The following EFNA3 variants were observed in gnomAD, a reference collection of about 807,000 sequenced individuals.
The protein encoded by EFNA3 is ephrin-A3.
A neutral mutation model predicts 25.0 loss-of-function variants in EFNA3; 15 were observed. The ratio of observed to expected loss-of-function variants is 0.60; its 90% CI spans 0.40 to 0.92. The LOEUF is 0.92. Ranked by LOEUF, EFNA3 falls within the 40% of genes least tolerant of loss-of-function variation. The pLI, the probability that EFNA3 is intolerant of heterozygous loss-of-function variation, is 0.00. For missense variants in EFNA3, 298 were observed against 323.8 expected, an observed-to-expected ratio of 0.92 and a Z score of 0.61; for synonymous variants, 153 against 145.6, an observed-to-expected ratio of 1.05 and a Z score of -0.37.
intron 1 of EFNA3, 127 bp from the exon 2 acceptor site, chr1:155,084,964 C>T: frequency 2.7e-6 from 3 of 1,094,246 alleles, no homozygotes; most frequent in Middle Eastern, 2.6e-4. Context: ...AGGGCTGAGC[C>T]GCGAGGAAGC....
Position 155,086,011 on chromosome 1 carries a change from T to TG in EFNA3, c.508+74dup, listed in dbSNP as rs1477942665. The TG allele has an allele frequency of 3.2e-6, 5 of 1,572,624 alleles. No individual in the cohort carries two copies. The African/African-American group carries it at 5.4e-5, about 17-fold the overall frequency. On this transcript the variant is annotated intron_variant, in intron 3 of 4. Transcript: ENST00000368408. ...CTGCTTTGGGGCTCCCCTGGCTTCC[T>TG]GGGGGTGGGGGCGGAGGGCACAGGT... is the stretch of plus-strand genomic sequence containing the variant.
At chr1:155,082,702 G>A (rs1381027032) in intron 1 of EFNA3, among the ~76,000 whole-genome samples, 1 of 152,210 alleles carries the variant, frequency 6.6e-6, no homozygotes, top group African/African-American at 2.4e-5. Context: ...AAGGGGCAGG[G>A]CACAACCCGG....
chr1:155,082,950 C>A (rs1663373899), intron 1 of EFNA3, among the ~76,000 whole-genome samples: 1 of 152,206 alleles, frequency 6.6e-6, no homozygotes, highest in Non-Finnish European at 1.5e-5. Flanking sequence ...CCTCTGTGTA[C>A]CAACTGGGCC....
rs759477549 is a variant in EFNA3, at chr1:155,080,442, C to A, written c.128+1373C>A. ...CCTCGGGGGTGGGGACGTGGCCCCTCCCCCCCGGAGCGGGACTCCAAGAAC... is the reference window on the plus strand; with the variant it reads ...CCTCGGGGGTGGGGACGTGGCCCCTACCCCCCGGAGCGGGACTCCAAGAAC... On this transcript the variant is annotated intron_variant, in intron 1 of 4. Transcript: ENST00000368408. This position sits in a 1 kb window ranked among gnomAD's most constrained non-coding sequence, Gnocchi z 7.0. Among the ~76,000 whole-genome samples, 1 of 152,022 alleles carries A rather than the reference C, an allele frequency of 6.6e-6. No homozygotes were observed. Among genetic ancestry groups the A allele is most frequent in the African/African-American group, 2.4e-5 (1 of 41,416 alleles).
chr1:155,085,216 A>T lies in EFNA3; in HGVS notation c.254A>T (p.Gln85Leu). The change falls in exon 2 of 5, where the codon CAG becomes CTG. Residue 85 changes from glutamine to leucine, a missense_variant. Coordinates refer to ENST00000368408, the MANE Select transcript of EFNA3 (RefSeq NM_004952.5). The surrounding 1 kb of genome is among the most constrained non-coding windows in gnomAD (Gnocchi z 4.4). The stretch of plus-strand genomic sequence containing the variant: ...CCGGGGCCCGGAGGCGGGGCAGAGC[A>T]GTACGTGCTGTACATGGTGAGCCGC... ...AGPGPGGGAE[Q>L]YVLYMVSRNG... 6.2e-7 allele frequency: 1 copy of T among 1,613,006 alleles called. No individual in the cohort carries two copies. Among genetic ancestry groups the T allele is most frequent in the Non-Finnish European group, 8.5e-7 (1 of 1,179,804 alleles).
chr1:155,082,183 C>T (rs887769916), intron 1 of EFNA3, among the ~76,000 whole-genome samples: 2 of 152,192 alleles, frequency 1.3e-5, no homozygotes, highest in Non-Finnish European at 2.9e-5. Context: ...GCCGCGCACA[C>T]GTGGTCCGGC....
At position 155,082,651 on chromosome 1, in the gene EFNA3, G is replaced by A. The variant is rs114864670; in HGVS notation, c.129-2440G>A. On this transcript the variant is annotated intron_variant, in intron 1 of 4. Transcript: ENST00000368408. ...CGCCTTTCTGCAAGAGAGGCGAGAG[G>A]CTATAGGGGATGAAGTGGAGCAAGA... 5.7e-3 allele frequency among the ~76,000 whole-genome samples: 866 copies of A among 152,316 alleles called. 4 individuals are homozygous for A. The highest frequency in any genetic ancestry group is 0.037 in the Middle Eastern group (11 of 294).
chr1:155,085,109 C>T lies in EFNA3; in HGVS notation c.147C>T (p.Tyr49=). The T allele has an allele frequency of 1.2e-6, 2 of 1,613,806 alleles. No individual in the cohort carries two copies. Among genetic ancestry groups the T allele is most frequent in the Non-Finnish European group, 1.7e-6 (2 of 1,180,028 alleles). ...SSNQHLRREG[Y]TVQVNVNDYL... The stretch of plus-strand genomic sequence containing the variant: ...CCCACAGCCTGCGGCGAGAGGGCTA[C>T]ACCGTGCAGGTGAACGTGAACGACT... Residue 49 remains tyrosine (Y), a synonymous_variant, in exon 2 of 5, where the codon TAC becomes TAT. Transcript: ENST00000368408. This position sits in a 1 kb window ranked among gnomAD's most constrained non-coding sequence, Gnocchi z 4.4.
Position 155,080,818 on chromosome 1 carries a change from A to AG in EFNA3, c.128+1754dup, listed in dbSNP as rs545216204. Among the ~76,000 whole-genome samples the AG allele has an allele frequency of 6.4e-4, 97 of 152,038 alleles. No homozygotes were observed. Among genetic ancestry groups the AG allele is most frequent in the African/African-American group, 2.3e-3 (95 of 41,466 alleles). On this transcript the variant is annotated intron_variant, in intron 1 of 4. Transcript: ENST00000368408. The surrounding 1 kb of genome is among the most constrained non-coding windows in gnomAD (Gnocchi z 7.0). ...GCGGGCCTGGGCCGGCAGAGGTAGG[A>AG]GGGGGCGCACACCGGGCCAGGAGGC... is the stretch of plus-strand genomic sequence containing the variant.
In EFNA3 at chr1:155,086,809, G is replaced by T. The variant is rs1163409895; in HGVS notation, c.*266G>T. 2.3e-5 allele frequency: 10 copies of T among 439,224 alleles called. No individual in the cohort carries two copies. Among genetic ancestry groups the T allele is most frequent in the Non-Finnish European group, 4.1e-5 (10 of 241,820 alleles). 27.2% of individuals were successfully genotyped at this position (439,224 alleles called of 1,614,324 possible). A position where few individuals can be genotyped will look rare whatever the true frequency, so the allele number is the denominator to read the frequency against. ...GGTACCAAACTTGGGGGCCAAAAAG[G>T]GCAGTGCTCAGGACTCCCTGGCCCC... is the stretch of plus-strand genomic sequence containing the variant. On this transcript the variant is annotated 3_prime_UTR_variant, in exon 5 of 5. Coordinates refer to ENST00000368408, the MANE Select transcript of EFNA3 (RefSeq NM_004952.5).
At position 155,087,518 on chromosome 1, in the gene EFNA3, A is replaced by G. The variant is rs548488696; in HGVS notation, c.*975A>G. On this transcript the variant is annotated 3_prime_UTR_variant, in exon 5 of 5. Coordinates refer to ENST00000368408, the MANE Select transcript of EFNA3 (RefSeq NM_004952.5). Reference sequence around the variant, plus strand: ...ATACTCTGCTCTTAGTCTAAAAAAAATAAACTGGAGATAAAAATAACTGAG... The same window carrying G: ...ATACTCTGCTCTTAGTCTAAAAAAAGTAAACTGGAGATAAAAATAACTGAG... 10 of 152,982 alleles carry G rather than the reference A, an allele frequency of 6.5e-5. No individual in the cohort carries two copies. Among genetic ancestry groups the G allele is most frequent in the African/African-American group, 2.4e-4 (10 of 41,588 alleles). The allele number at this position is 152,982 out of a possible 1,614,324, so 9.5% of individuals were successfully genotyped here.
At position 155,079,192 on chromosome 1, in the gene EFNA3, G is replaced by C; in HGVS notation, c.128+123G>C. On this transcript the variant is annotated intron_variant, in intron 1 of 4. Transcript: ENST00000368408. The surrounding 1 kb of genome is among the most constrained non-coding windows in gnomAD (Gnocchi z 7.7). The stretch of plus-strand genomic sequence containing the variant: ...GGGAGACCAGAGCTGGGGGCTGGGA[G>C]GGGACGGAGAGGGGGACGCACTCTG... 9.8e-6 allele frequency: 11 copies of C among 1,122,212 alleles called. No homozygotes were observed. The highest frequency in any genetic ancestry group is 1.3e-5 in the Non-Finnish European group (11 of 871,312). The allele number at this position is 1,122,212 out of a possible 1,614,324, so 69.5% of individuals were successfully genotyped here.
rs1222534933 is a variant in EFNA3, at chr1:155,085,547, G to C, written c.442+143G>C. ...GAGACCAGGGAGGAGGCGTGGGCAC[G>C]GGACGCCTGAGGGGTTCAGCTCAGA... On this transcript the variant is annotated intron_variant, in intron 2 of 4. Transcript: ENST00000368408. The surrounding 1 kb of genome is among the most constrained non-coding windows in gnomAD (Gnocchi z 4.4). 4 of 1,068,226 alleles carry C rather than the reference G, an allele frequency of 3.7e-6. No homozygotes were observed. Among genetic ancestry groups the C allele is most frequent in the Non-Finnish European group, 5.2e-6 (4 of 762,386 alleles). 66.2% of individuals were successfully genotyped at this position (1,068,226 alleles called of 1,614,324 possible).
Position 155,085,001 on chromosome 1 carries a change from G to A in EFNA3, c.129-90G>A, listed in dbSNP as rs1278260318. 19 of 1,447,096 alleles carry A rather than the reference G, an allele frequency of 1.3e-5. No homozygotes were observed. In the East Asian group the frequency reaches 3.9e-4, roughly 30 times the overall value. The allele number at this position is 1,447,096 out of a possible 1,614,324, so 89.6% of individuals were successfully genotyped here. A position where few individuals can be genotyped will look rare whatever the true frequency, so the allele number is the denominator to read the frequency against. ...CGGAGGAAAAGTCGGAAGGCTACGC[G>A]GACCCTGGGGAGGGGCTGCGGAGCG... On this transcript the variant is annotated intron_variant, in intron 1 of 4. Transcript: ENST00000368408. The surrounding 1 kb of genome is among the most constrained non-coding windows in gnomAD (Gnocchi z 4.4).
In EFNA3 at chr1:155,086,663, G is replaced by T; in HGVS notation, c.*120G>T. 1 of 1,304,388 alleles carries T rather than the reference G, an allele frequency of 7.7e-7. No individual in the cohort carries two copies. Among genetic ancestry groups the T allele is most frequent in the Non-Finnish European group, 1.0e-6 (1 of 953,378 alleles). The allele number at this position is 1,304,388 out of a possible 1,614,324, so 80.8% of individuals were successfully genotyped here. A position where few individuals can be genotyped will look rare whatever the true frequency, so the allele number is the denominator to read the frequency against. ...CCCCTCCTCCCATGGCTAGAAGTGG[G>T]GCCTGCACCATACATCTGTGTCCGC... On this transcript the variant is annotated 3_prime_UTR_variant, in exon 5 of 5. Transcript: ENST00000368408.
At position 155,081,662 on chromosome 1, in the gene EFNA3, G is replaced by C. The variant is rs184324691; in HGVS notation, c.128+2593G>C. 7.0e-4 allele frequency among the ~76,000 whole-genome samples: 106 copies of C among 152,028 alleles called. 1 individual carries two copies. The highest frequency in any genetic ancestry group is 4.7e-3 in the Admixed American group (72 of 15,272). ...TTCCCTGTCCCTGCTTCTCTCCTTT[G>C]CGTCTCTGTCTCCGTCTCCGCCGTC... On this transcript the variant is annotated intron_variant, in intron 1 of 4. Coordinates refer to ENST00000368408, the MANE Select transcript of EFNA3 (RefSeq NM_004952.5). The surrounding 1 kb of genome is among the most constrained non-coding windows in gnomAD (Gnocchi z 5.2).
chr1:155,082,457 G>A (rs1045714919), intron 1 of EFNA3, among the ~76,000 whole-genome samples: 2 of 152,158 alleles, frequency 1.3e-5, no homozygotes, highest in Non-Finnish European at 2.9e-5. Context: ...CGCTCCGCCC[G>A]CCTGCCCCCT....
At chr1:155,084,350 C>T (rs751158311) in intron 1 of EFNA3, among the ~76,000 whole-genome samples, 10 of 152,206 alleles carry the variant, frequency 6.6e-5, no homozygotes, top group African/African-American at 2.2e-4. Flanking sequence ...GCCAGTGATA[C>T]TGTAGTATGG....
Position 155,085,286 on chromosome 1 carries a change from G to A in EFNA3, c.324G>A (p.Trp108Ter). The A allele has an allele frequency of 6.2e-7, 1 of 1,613,096 alleles. No individual in the cohort carries two copies. The highest frequency in any genetic ancestry group is 8.5e-7 in the Non-Finnish European group (1 of 1,179,654). Residue 108 changes from tryptophan (W) to a stop codon, truncating the protein, a stop_gained, in exon 2 of 5, where the codon TGG (tryptophan) becomes TGA (stop). Coordinates refer to ENST00000368408, the MANE Select transcript of EFNA3 (RefSeq NM_004952.5). LOFTEE classifies it high-confidence loss of function. The surrounding 1 kb of genome is among the most constrained non-coding windows in gnomAD (Gnocchi z 4.4). ...TCNASQGFKR[W>*]ECNRPHAPHS... Reference sequence around the variant, plus strand: ...ACGCCAGCCAGGGCTTCAAGCGCTGGGAGTGCAACCGGCCGCACGCCCCGC... The same window carrying A: ...ACGCCAGCCAGGGCTTCAAGCGCTGAGAGTGCAACCGGCCGCACGCCCCGC...
Sources: gnomAD v4.1 joint callset for allele counts (sites outside exome capture counted in the v4.1 genomes callset) on GRCh38, gnomAD v4.1.1 for gene constraint, Gnocchi (gnomAD v3.1) non-coding constraint, MANE v1.5 for transcripts, NCBI Gene and HGNC (gene_info 2026-07-23, HGNC 2026-07-21) for gene names.